The following CLPB variants were observed in gnomAD, a reference collection of about 807,000 sequenced individuals.
The protein encoded by CLPB is ClpB family mitochondrial disaggregase.
A neutral mutation model predicts 78.4 loss-of-function variants in CLPB; 40 were observed. That is an observed-to-expected ratio of 0.51 (90% CI 0.40 to 0.66). The LOEUF (loss-of-function observed/expected upper bound fraction) is 0.66. CLPB is among the 30% of genes least tolerant of loss of function. The pLI is 0.00. For missense variants in CLPB, 780 were observed against 886.9 expected, an observed-to-expected ratio of 0.88 and a Z score of 1.53; for synonymous variants, 333 against 348.0, an observed-to-expected ratio of 0.96 and a Z score of 0.48.
At chr11:72,423,425 T>C (rs7107422) in intron 2 of CLPB, among the ~76,000 whole-genome samples, 15,332 of 152,242 alleles carry the variant, frequency 0.1, 1,342 homozygotes, top group African/African-American at 0.23. Flanking sequence ...ATTTATTGAA[T>C]ACTTACTGTG....
At chr11:72,297,365 G>T (rs1260965057) in intron 11 of CLPB, among the ~76,000 whole-genome samples, 9 of 152,246 alleles carry the variant, frequency 5.9e-5, no homozygotes, top group Admixed American at 5.9e-4. Context: ...CTTACTGCAT[G>T]CTGGGTGTAG....
intron 9 of CLPB, among the ~76,000 whole-genome samples, chr11:72,304,758 T>A (rs181473825): frequency 1.6e-4 from 24 of 152,324 alleles, no homozygotes; most frequent in African/African-American, 5.5e-4. Flanking sequence ...ATTCACATCA[T>A]CAGACTCCAG....
intron 1 of CLPB, 33 bp from the exon 2 acceptor site, chr11:72,430,396 G>A (rs373950718): frequency 1.9e-5 from 30 of 1,606,368 alleles, no homozygotes; most frequent in African/African-American, 6.7e-5. Context: ...TCAGATCCGC[G>A]GCCAGGACAT....
chr11:72,392,803 C>G (rs1855291790), intron 3 of CLPB, among the ~76,000 whole-genome samples: 2 of 152,164 alleles, frequency 1.3e-5, no homozygotes, highest in Non-Finnish European at 2.9e-5. Flanking sequence ...AACCAAGATT[C>G]AAAACCAGGT....
chr11:72,318,286 A>AT (rs1414674863), intron 6 of CLPB, among the ~76,000 whole-genome samples: 1 of 152,188 alleles, frequency 6.6e-6, no homozygotes, highest in Non-Finnish European at 1.5e-5. Flanking sequence ...GGAAAGACAC[A>AT]TAAGTGTGGA....
chr11:72,333,495 A>G (rs1297415908), intron 5 of CLPB, among the ~76,000 whole-genome samples: 2 of 152,200 alleles, frequency 1.3e-5, no homozygotes, highest in Non-Finnish European at 2.9e-5. Flanking sequence ...TTTGAGTTCT[A>G]TAAAACCACT....
At chr11:72,356,927 T>G (rs1005290769) in intron 5 of CLPB, 4 of 152,224 alleles carry the variant, frequency 2.6e-5, no homozygotes, top group African/African-American at 9.6e-5. Flanking sequence ...ATGTCCTTGG[T>G]GAACACTCCA....
chr11:72,346,957 G>C (rs1301177967), intron 5 of CLPB, among the ~76,000 whole-genome samples: 1 of 149,226 alleles, frequency 6.7e-6, no homozygotes, highest in Admixed American at 6.7e-5. Flanking sequence ...CTCCAGCCTG[G>C]GTGACGAGAG....
chr11:72,395,120 T>C (rs1338052922), intron 3 of CLPB, among the ~76,000 whole-genome samples: 1 of 152,132 alleles, frequency 6.6e-6, no homozygotes, highest in Non-Finnish European at 1.5e-5. Context: ...CAGCATCATC[T>C]CCTCCACAGC....
At chr11:72,401,789 T>C (rs949001017) in intron 3 of CLPB, among the ~76,000 whole-genome samples, 2 of 152,354 alleles carry the variant, frequency 1.3e-5, no homozygotes, top group African/African-American at 2.4e-5. Flanking sequence ...AAAGTATCCC[T>C]TTTTGCTCTT....
At chr11:72,383,528 C>T (rs1385139967) in intron 3 of CLPB, among the ~76,000 whole-genome samples, 6 of 125,312 alleles carry the variant, frequency 4.8e-5, no homozygotes, top group South Asian at 2.4e-4. Flanking sequence ...AAGACTCTGT[C>T]TCAAAAAAAA....
At chr11:72,376,747 C>A (rs1759409687) in intron 4 of CLPB, among the ~76,000 whole-genome samples, 1 of 152,154 alleles carries the variant, frequency 6.6e-6, no homozygotes, top group Non-Finnish European at 1.5e-5. Flanking sequence ...TCTCAGCTCA[C>A]TGCAACCTCT....
At chr11:72,385,562 C>T (rs777198583) in intron 3 of CLPB, among the ~76,000 whole-genome samples, 18 of 152,168 alleles carry the variant, frequency 1.2e-4, no homozygotes, top group Non-Finnish European at 2.1e-4. Flanking sequence ...GTGGCTCATG[C>T]CTATAATCTC....
At chr11:72,343,298 T>A (rs1461364265) in intron 5 of CLPB, among the ~76,000 whole-genome samples, 1 of 152,102 alleles carries the variant, frequency 6.6e-6, no homozygotes, top group Non-Finnish European at 1.5e-5. Flanking sequence ...ACCAATGAAA[T>A]ATTTTTTGCT....
chr11:72,350,196 C>T (rs1461978880), intron 5 of CLPB, among the ~76,000 whole-genome samples: 1 of 152,208 alleles, frequency 6.6e-6, no homozygotes, highest in Non-Finnish European at 1.5e-5. Flanking sequence ...TCACTGAGGG[C>T]CCCTTCAAGG....
Position 72,373,088 on chromosome 11 carries a change from C to T in CLPB, c.646+7193G>A, listed in dbSNP as rs994770547. ...AGGCCCTGGAGCTCTGGGAAGGGGGCACTCAGGCTGGTGGGGTTGTTCCAA... is the reference window on the plus strand; with the variant it reads ...AGGCCCTGGAGCTCTGGGAAGGGGGTACTCAGGCTGGTGGGGTTGTTCCAA... On this transcript the variant is annotated intron_variant, in intron 4 of 15. Transcript: ENST00000538039. 18 of 1,303,428 alleles carry T rather than the reference C, an allele frequency of 1.4e-5. No individual in the cohort carries two copies. In the African/African-American group the frequency reaches 2.5e-4, roughly 18 times the overall value. The allele number at this position is 1,303,428 out of a possible 1,614,324, so 80.7% of individuals were successfully genotyped here.
chr11:72,371,044 T>G (rs1182598664), intron 4 of CLPB, among the ~76,000 whole-genome samples: 1 of 152,136 alleles, frequency 6.6e-6, no homozygotes, highest in African/African-American at 2.4e-5. Flanking sequence ...AAACATAATT[T>G]TTCTGTTTCT....
At chr11:72,421,013 G>T (rs528668322) in intron 2 of CLPB, among the ~76,000 whole-genome samples, 20 of 152,324 alleles carry the variant, frequency 1.3e-4, no homozygotes, top group African/African-American at 4.1e-4. Flanking sequence ...TACAAAATTA[G>T]CCGGGTGTGG....
intron 5 of CLPB, chr11:72,354,308 C>G: frequency 2.6e-6 from 1 of 390,552 alleles, no homozygotes; most frequent in East Asian, 3.6e-5. Context: ...TAGCTAGTAC[C>G]ATTTTAGATT....
Sources: gnomAD v4.1 joint callset for allele counts (sites outside exome capture counted in the v4.1 genomes callset) on GRCh38, gnomAD v4.1.1 for gene constraint, MANE v1.5 for transcripts, NCBI Gene and HGNC (gene_info 2026-07-23, HGNC 2026-07-21) for gene names.